The following GRIK1 variants were observed in gnomAD, a reference collection of about 807,000 sequenced individuals.
The protein encoded by GRIK1 is glutamate ionotropic receptor kainate type subunit 1, also known as glutamate receptor ionotropic, kainate 1.
A neutral mutation model predicts 105.7 loss-of-function variants in GRIK1; 69 were observed. The ratio of observed to expected loss-of-function variants is 0.65; its 90% CI spans 0.54 to 0.80. The LOEUF is 0.80. Among genes scored for constraint, GRIK1 ranks in the 30% least tolerant of loss-of-function variants. GRIK1 has a pLI of 0.00. For missense variants in GRIK1, 1,109 were observed against 1,167.3 expected (o/e 0.95, Z 0.73); for synonymous variants, 438 against 431.3 (o/e 1.02, Z -0.19).
rs765724429 is a variant in GRIK1, at chr21:29,589,026, A to G, written c.1382T>C (p.Met461Thr). The G allele has an allele frequency of 7.6e-6, 12 of 1,586,560 alleles. No homozygotes were observed. The highest frequency in any genetic ancestry group is 1.7e-4 in the Middle Eastern group (1 of 6,048). The change falls in exon 11 of 18, where the codon ATG becomes ACG. Residue 461 changes from methionine (M) to threonine (T), a missense_variant. Physicochemically the swap from Met to Thr is moderately conservative, Grantham distance 81. Coordinates refer to ENST00000327783, the MANE Select transcript of GRIK1 (RefSeq NM_001330994.2). ...TAGAGGCTTATCAGATTTCCTGTAC[A>G]TAACATAGGGTTCTTCCTAAATGAA... Reference protein sequence around the residue: ...VTTILEEPYVMYRKSDKPLYG... With the variant: ...VTTILEEPYVTYRKSDKPLYG...
At chr21:29,754,309 C>G (rs4817302) in intron 1 of GRIK1, among the ~76,000 whole-genome samples, 1 of 152,048 alleles carries the variant, frequency 6.6e-6, no homozygotes, top group Non-Finnish European at 1.5e-5. Flanking sequence ...ACTTGGAGAT[C>G]GATGCTTACA....
intron 1 of GRIK1, among the ~76,000 whole-genome samples, chr21:29,850,127 T>A (rs1467212182): frequency 1.3e-5 from 2 of 152,216 alleles, no homozygotes; most frequent in Non-Finnish European, 2.9e-5. Context: ...GATCATGATA[T>A]CTTCCTTACT....
intron 1 of GRIK1, among the ~76,000 whole-genome samples, chr21:29,788,861 T>C (rs2066335153): frequency 6.6e-6 from 1 of 152,142 alleles, no homozygotes; most frequent in Non-Finnish European, 1.5e-5. Flanking sequence ...CTAATCCCGC[T>C]GCTGATCTAA....
intron 4 of GRIK1, among the ~76,000 whole-genome samples, chr21:29,664,567 T>C (rs928288120): frequency 2.6e-5 from 4 of 152,114 alleles, no homozygotes; most frequent in Admixed American, 6.6e-5. Context: ...GATATTGTAA[T>C]TCCCATTTCA....
At chr21:29,747,940 C>A (rs1205243651) in intron 1 of GRIK1, among the ~76,000 whole-genome samples, 1 of 152,190 alleles carries the variant, frequency 6.6e-6, no homozygotes. Context: ...CAATTTACAG[C>A]AACCTTTTTC....
intron 1 of GRIK1, among the ~76,000 whole-genome samples, chr21:29,913,893 A>C (rs1308888176): frequency 1.3e-5 from 2 of 151,978 alleles, no homozygotes; most frequent in Non-Finnish European, 2.9e-5. Context: ...ATGAAAATAC[A>C]TATTCAGTAC....
intron 1 of GRIK1, among the ~76,000 whole-genome samples, chr21:29,861,170 C>A (rs2068623992): frequency 6.6e-6 from 1 of 152,076 alleles, no homozygotes; most frequent in Non-Finnish European, 1.5e-5. Context: ...TTTTATTTGC[C>A]TATTGCAGTG....
chr21:29,741,084 A>T (rs1486280178), intron 1 of GRIK1, among the ~76,000 whole-genome samples: 1 of 152,184 alleles, frequency 6.6e-6, no homozygotes, highest in South Asian at 2.1e-4. Context: ...AGTCTCTTCC[A>T]TTGCCCCTTT....
At chr21:29,937,883 G>T (rs2071824181) in intron 1 of GRIK1, among the ~76,000 whole-genome samples, 1 of 151,504 alleles carries the variant, frequency 6.6e-6, no homozygotes, top group Admixed American at 6.6e-5. Flanking sequence ...TCAGATAAAG[G>T]ATATTTCAGT....
chr21:29,765,618 T>C (rs2832438), intron 1 of GRIK1, among the ~76,000 whole-genome samples: 30,022 of 151,982 alleles, frequency 0.2, 4,253 homozygotes, highest in African/African-American at 0.4. Flanking sequence ...GAATGCTCTT[T>C]GGCTGACCCT....
chr21:29,884,274 C>T (rs1336891594), intron 1 of GRIK1, among the ~76,000 whole-genome samples: 1 of 152,020 alleles, frequency 6.6e-6, no homozygotes, highest in African/African-American at 2.4e-5. Context: ...TAAATATATA[C>T]ATTTGTCCAT....
chr21:29,587,794 A>G (rs932120293), intron 11 of GRIK1, among the ~76,000 whole-genome samples: 3 of 152,068 alleles, frequency 2.0e-5, no homozygotes, highest in Non-Finnish European at 4.4e-5. Flanking sequence ...CAGAAAGTAT[A>G]AAACACACAT....
intron 6 of GRIK1, among the ~76,000 whole-genome samples, chr21:29,649,509 T>A (rs755863480): frequency 2.0e-5 from 3 of 152,136 alleles, no homozygotes; most frequent in Non-Finnish European, 4.4e-5. Context: ...CTCAACCTTA[T>A]CACACTTCCT....
intron 1 of GRIK1, among the ~76,000 whole-genome samples, chr21:29,934,674 T>A (rs936623060): frequency 6.6e-6 from 1 of 152,100 alleles, no homozygotes; most frequent in Admixed American, 6.6e-5. Flanking sequence ...TGGAAGGAGC[T>A]CAAAACCTGA....
At chr21:29,562,129 G>A (rs971523769) in intron 14 of GRIK1, among the ~76,000 whole-genome samples, 1 of 152,160 alleles carries the variant, frequency 6.6e-6, no homozygotes, top group African/African-American at 2.4e-5. Context: ...CTCACTCCAG[G>A]ACTCTGTTCA....
chr21:29,889,266 C>T (rs776314273), intron 1 of GRIK1, among the ~76,000 whole-genome samples: 5 of 152,022 alleles, frequency 3.3e-5, no homozygotes, highest in African/African-American at 4.8e-5. Context: ...AGTATTTTTT[C>T]TTAAAGGTTA....
intron 1 of GRIK1, among the ~76,000 whole-genome samples, chr21:29,860,079 C>G (rs893643869): frequency 1.3e-5 from 2 of 152,196 alleles, no homozygotes; most frequent in Non-Finnish European, 2.9e-5. Context: ...CATAAAGACA[C>G]ATCATGGAGG....
At chr21:29,893,812 C>A (rs1184133031) in intron 1 of GRIK1, among the ~76,000 whole-genome samples, 1 of 152,136 alleles carries the variant, frequency 6.6e-6, no homozygotes, top group Non-Finnish European at 1.5e-5. Flanking sequence ...GAGGTTGCCC[C>A]ATCTCTCCTA....
intron 8 of GRIK1, 124 bp downstream of exon 8, chr21:29,598,706 C>A: frequency 1.9e-6 from 1 of 525,050 alleles, no homozygotes; most frequent in Non-Finnish European, 3.3e-6. Flanking sequence ...AGATAAAAAA[C>A]TGGATGTAAA....
Sources: gnomAD v4.1 joint callset for allele counts (sites outside exome capture counted in the v4.1 genomes callset) on GRCh38, gnomAD v4.1.1 for gene constraint, MANE v1.5 for transcripts, NCBI Gene and HGNC (gene_info 2026-07-23, HGNC 2026-07-21) for gene names.